SLC26A4: variants seen among roughly 807,000 people sequenced by gnomAD.
The protein encoded by SLC26A4 is pendrin.
Under a neutral mutation model 90.4 loss-of-function variants are expected in SLC26A4, and 93 were observed. The ratio of observed to expected loss-of-function variants is 1.03; its 90% confidence interval spans 0.87 to 1.22. SLC26A4 has a LOEUF of 1.22. Among genes scored for constraint, SLC26A4 ranks in the 50% most tolerant of loss-of-function variants. The pLI, the probability that SLC26A4 is intolerant of heterozygous loss-of-function variation, is 0.00. For synonymous variants in SLC26A4, 393 were observed against 354.6 expected, an observed-to-expected ratio of 1.11 and a Z score of -1.22; for missense variants, 1,127 against 946.2, an observed-to-expected ratio of 1.19 and a Z score of -2.51.
rs771345264 is a variant in SLC26A4, at chr7:107,689,247, G to GA, written c.1149+54dup. 23 of 1,598,468 alleles carry GA rather than the reference G, an allele frequency of 1.4e-5. No homozygotes were observed. In the East Asian group the frequency reaches 3.3e-4, roughly 23 times the overall value. On this transcript the variant is annotated intron_variant, in intron 9 of 20. Transcript: ENST00000644269. ...ACTGGTTTTATAGGGCTGGAAACAG[G>GA]AAAAAAACATAAATGGAAAAGATTT...
rs899919861 is a variant in SLC26A4, at chr7:107,701,836, A to G, written c.1813A>G (p.Ile605Val). The G allele has an allele frequency of 4.4e-6, 7 of 1,601,486 alleles. No individual in the cohort carries two copies. In the African/African-American group the frequency reaches 5.4e-5, roughly 12 times the overall value. Residue 605 changes from isoleucine to valine, a missense_variant, in exon 17 of 21, where the codon ATA becomes GTA. Ile to Val is a conservative substitution (Grantham distance 29, BLOSUM62 3). Transcript: ENST00000644269. ...TGTTTTCTTCGTTTAGAATGGCATC[A>G]TAAGTGATGCTGTTTCAACAAATAA... ...GQLRATKNGI[I>V]SDAVSTNNAF...
At position 107,668,131 on chromosome 7, in the gene SLC26A4, C is replaced by T. The variant is rs189143625; in HGVS notation, c.305-4007C>T. Among the ~76,000 whole-genome samples, 501 of 152,156 alleles carry T rather than the reference C, an allele frequency of 3.3e-3. 6 individuals carry two copies. Among genetic ancestry groups the T allele is most frequent in the East Asian group, 2.7e-3 (14 of 5,172 alleles). On this transcript the variant is annotated intron_variant, in intron 3 of 20. Coordinates refer to ENST00000644269, the MANE Select transcript of SLC26A4 (RefSeq NM_000441.2). Reference sequence around the variant, plus strand: ...TAGCCCAGATGTAGATGCCTTCAGTCCAGTTTATCTAGCTGCTCAAAGGCT... The same window carrying T: ...TAGCCCAGATGTAGATGCCTTCAGTTCAGTTTATCTAGCTGCTCAAAGGCT...
In SLC26A4 at chr7:107,700,180, G is replaced by A. The variant is rs192366176; in HGVS notation, c.1707+5G>A. ...AAAAAATGTATCAAGTCCACAGTAA[G>A]TATTTTATCCCTAGAAATTTGTTTT... On this transcript the variant is annotated splice_donor_5th_base_variant and intron_variant, in intron 15 of 20. Transcript: ENST00000644269. The A allele has an allele frequency of 4.9e-6, 7 of 1,417,066 alleles. No homozygotes were observed. The East Asian group carries it at 1.4e-4, about 28-fold the overall frequency. 87.8% of individuals were successfully genotyped at this position (1,417,066 alleles called of 1,614,324 possible).
intron 8 of SLC26A4, among the ~76,000 whole-genome samples, chr7:107,687,970 G>A (rs527684606): frequency 1.6e-4 from 25 of 152,176 alleles, no homozygotes; most frequent in Non-Finnish European, 3.1e-4. Flanking sequence ...AGGAGAAAAG[G>A]AGTCTGAAAA....
At chr7:107,666,350 T>C (rs1472327114) in intron 3 of SLC26A4, among the ~76,000 whole-genome samples, 1 of 152,158 alleles carries the variant, frequency 6.6e-6, no homozygotes. Context: ...GCCTCGCCAG[T>C]AGCTGGAACT....
chr7:107,683,187 A>G lies in SLC26A4; in HGVS notation c.766-15A>G. 3.1e-6 allele frequency: 5 copies of G among 1,604,784 alleles called. No homozygotes were observed. The highest frequency in any genetic ancestry group is 2.2e-4 in the Middle Eastern group (1 of 4,468). On this transcript the variant is annotated splice_polypyrimidine_tract_variant and intron_variant, in intron 6 of 20. Transcript: ENST00000644269. ...GTAGCAGCAGGAAGTATATAAAATT[A>G]TTTTCTTTTTATAGACGCTGGTTGA...
Position 107,661,464 on chromosome 7 carries a change from G to T in SLC26A4, c.-3-175G>T. On this transcript the variant is annotated intron_variant, in intron 1 of 20. Transcript: ENST00000644269. The surrounding 1 kb of genome is among the most constrained non-coding windows in gnomAD (Gnocchi z 5.1). ...GCCCCCCTGCAGGCTGGCCGTGCGC[G>T]CCGTGGGGCGCTTGTCGCGAGCGCC... is the stretch of plus-strand genomic sequence containing the variant. 1 of 712,808 alleles carries T rather than the reference G, an allele frequency of 1.4e-6. No homozygotes were observed. The allele number at this position is 712,808 out of a possible 1,614,324, so 44.2% of individuals were successfully genotyped here.
chr7:107,681,770 A>G (rs1312735605), intron 6 of SLC26A4, among the ~76,000 whole-genome samples: 1 of 152,054 alleles, frequency 6.6e-6, no homozygotes, highest in Non-Finnish European at 1.5e-5. Flanking sequence ...TTTTTCTTGA[A>G]TTGATTCATC....
intron 10 of SLC26A4, chr7:107,691,823 T>C: frequency 9.3e-7 from 1 of 1,076,414 alleles, no homozygotes; most frequent in Non-Finnish European, 1.1e-6. Context: ...GGTAAAATAA[T>C]ACAGCTCATA....
rs1384250041 is a variant in SLC26A4, at chr7:107,674,285, A to T, written c.537A>T (p.Ala179=). 6.2e-7 allele frequency: 1 copy of T among 1,614,018 alleles called. No individual in the cohort carries two copies. The highest frequency in any genetic ancestry group is 1.7e-5 in the Admixed American group (1 of 60,016). ...TAAATACTACTATGATAGACACTGC[A>T]GCTAGAGATACAGCTAGAGTCCTGA... ...TVLNTTMIDT[A]ARDTARVLIA... is the part of the protein sequence containing the mutation. Residue 179 remains alanine (A), a synonymous_variant, in exon 5 of 21, where the codon GCA becomes GCT. Coordinates refer to ENST00000644269, the MANE Select transcript of SLC26A4 (RefSeq NM_000441.2).
At position 107,715,601 on chromosome 7, in the gene SLC26A4, A is replaced by G; in HGVS notation, c.*155A>G. 1.4e-6 allele frequency: 1 copy of G among 717,472 alleles called. No homozygotes were observed. The allele number at this position is 717,472 out of a possible 1,614,324, so 44.4% of individuals were successfully genotyped here. A position where few individuals can be genotyped will look rare whatever the true frequency, so the allele number is the denominator to read the frequency against. On this transcript the variant is annotated 3_prime_UTR_variant, in exon 21 of 21. Transcript: ENST00000644269. ...TGCTTCTAGGCTTTATTTATAAAAT[A>G]AACACCTTATCCCTAACATGGGCAA...
chr7:107,699,905 G>A (rs1003657115), intron 14 of SLC26A4, among the ~76,000 whole-genome samples, 178 bp from the exon 15 acceptor site: 10 of 146,872 alleles, frequency 6.8e-5, no homozygotes, highest in South Asian at 2.2e-4. Flanking sequence ...TCCAGCCTGC[G>A]CAACAGAGTG....
At chr7:107,702,927 G>A (rs1791937637) in intron 17 of SLC26A4, among the ~76,000 whole-genome samples, 1 of 152,164 alleles carries the variant, frequency 6.6e-6, no homozygotes, top group Admixed American at 6.5e-5. Flanking sequence ...GTAGGAAGCA[G>A]GTCAGACATC....
intron 3 of SLC26A4, among the ~76,000 whole-genome samples, chr7:107,663,845 G>A (rs1039540610): frequency 1.3e-5 from 2 of 152,000 alleles, no homozygotes; most frequent in Non-Finnish European, 2.9e-5. Flanking sequence ...CACTACGCCC[G>A]GCTAATTTTT....
At chr7:107,669,794 T>C (rs975331247) in intron 3 of SLC26A4, among the ~76,000 whole-genome samples, 3 of 152,214 alleles carry the variant, frequency 2.0e-5, no homozygotes, top group Non-Finnish European at 2.9e-5. Context: ...AGAAGTCTCC[T>C]CTGATCCTAC....
intron 6 of SLC26A4, among the ~76,000 whole-genome samples, chr7:107,680,170 A>G (rs1387546212): frequency 8.4e-6 from 1 of 118,510 alleles, no homozygotes; most frequent in Non-Finnish European, 1.6e-5. Context: ...ATATAATCTT[A>G]TCTTATTATA....
At chr7:107,690,014 C>G (rs936101696) in intron 9 of SLC26A4, 110 bp from the exon 10 acceptor site, 4 of 784,502 alleles carry the variant, frequency 5.1e-6, no homozygotes, top group Non-Finnish European at 9.3e-6. Flanking sequence ...TGGACCACCA[C>G]GCAGAGTAGG....
intron 18 of SLC26A4, among the ~76,000 whole-genome samples, chr7:107,709,678 C>T (rs117341252): frequency 1.9e-3 from 286 of 152,120 alleles, no homozygotes; most frequent in Admixed American, 2.7e-3. Flanking sequence ...GGGACGTGAT[C>T]GTCCACAAGG....
In SLC26A4 at chr7:107,674,961, T is replaced by A. The variant is rs2129311933; in HGVS notation, c.617T>A (p.Leu206Ter). Residue 206 changes from leucine to a stop codon, truncating the protein, a stop_gained, in exon 6 of 21, where the codon TTG becomes TAG. Coordinates refer to ENST00000644269, the MANE Select transcript of SLC26A4 (RefSeq NM_000441.2). LOFTEE classifies it high-confidence loss of function. ...TTATCGTAGTTGATATTTGGTGGCT[T>A]GCAGATTGGATTCATAGTGAGGTAC... ...VGIIQLIFGGLQIGFIVRYLA... is the reference protein window; with the variant it reads ...VGIIQLIFGG The A allele has an allele frequency of 1.2e-6, 2 of 1,614,080 alleles. No homozygotes were observed. The highest frequency in any genetic ancestry group is 2.2e-5 in the South Asian group (2 of 91,084).
Sources: gnomAD v4.1 joint callset for allele counts (sites outside exome capture counted in the v4.1 genomes callset) on GRCh38, gnomAD v4.1.1 for gene constraint, Gnocchi (gnomAD v3.1) non-coding constraint, MANE v1.5 for transcripts, NCBI Gene and HGNC (gene_info 2026-07-23, HGNC 2026-07-21) for gene names.